The following DLGAP5 variants were observed in gnomAD, a reference collection of about 807,000 sequenced individuals.
The protein encoded by DLGAP5 is DLG associated protein 5.
Under a neutral mutation model 99.6 loss-of-function variants are expected in DLGAP5, and 90 were observed. The ratio of observed to expected loss-of-function variants is 0.90; its 90% CI spans 0.76 to 1.08. The LOEUF (loss-of-function observed/expected upper bound fraction) is 1.08. Ranked by LOEUF, DLGAP5 falls within the 50% of genes least tolerant of loss-of-function variation. DLGAP5 has a pLI of 0.00. For synonymous variants in DLGAP5, 311 were observed against 321.3 expected, an observed-to-expected ratio of 0.97 and a Z score of 0.34; for missense variants, 1,036 against 983.5, an observed-to-expected ratio of 1.05 and a Z score of -0.71.
At chr14:55,167,250 T>A (rs1398775387) in intron 12 of DLGAP5, among the ~76,000 whole-genome samples, 18 of 117,262 alleles carry the variant, frequency 1.5e-4, no homozygotes, top group African/African-American at 1.0e-3. Context: ...CAAGACTCCA[T>A]CTCAAAAAAA....
chr14:55,176,839 G>T (rs188985234), intron 8 of DLGAP5, among the ~76,000 whole-genome samples: 5 of 151,986 alleles, frequency 3.3e-5, no homozygotes, highest in African/African-American at 7.2e-5. Flanking sequence ...TTAGCCGGGC[G>T]TGGTGACGGG....
At chr14:55,176,061 C>T (rs781207496) in intron 8 of DLGAP5, 43 bp from the exon 9 acceptor site, 1 of 1,538,056 alleles carries the variant, frequency 6.5e-7, no homozygotes, top group Non-Finnish European at 8.8e-7. Context: ...ACATGAACTC[C>T]ATATATCTAA....
intron 10 of DLGAP5, among the ~76,000 whole-genome samples, chr14:55,172,442 T>G (rs540801633): frequency 2.0e-5 from 3 of 151,204 alleles, no homozygotes; most frequent in African/African-American, 7.2e-5. Context: ...GTTTTAAATG[T>G]CTAGATATTA....
At chr14:55,186,360 G>T (rs1006046233) in intron 2 of DLGAP5, among the ~76,000 whole-genome samples, 1 of 152,170 alleles carries the variant, frequency 6.6e-6, no homozygotes, top group Admixed American at 6.5e-5. Flanking sequence ...GTAATTCCTT[G>T]TTATCTATTA....
At chr14:55,168,722 C>A (rs1882734077) in intron 12 of DLGAP5, among the ~76,000 whole-genome samples, 1 of 152,138 alleles carries the variant, frequency 6.6e-6, no homozygotes, top group African/African-American at 2.4e-5. Context: ...TAATACAATA[C>A]TCCTAACACA....
chr14:55,161,923 A>G (rs1882456582), intron 13 of DLGAP5, among the ~76,000 whole-genome samples: 1 of 150,858 alleles, frequency 6.6e-6, no homozygotes, highest in African/African-American at 2.4e-5. Context: ...AATAAGGTTT[A>G]AAAAACAATA....
intron 10 of DLGAP5, among the ~76,000 whole-genome samples, chr14:55,171,341 G>A (rs7147666): frequency 0.093 from 14,124 of 152,106 alleles, 1,801 homozygotes; most frequent in African/African-American, 0.28. Flanking sequence ...GAGTGCTACT[G>A]GCCAGGGATG....
chr14:55,161,601 G>A (rs1455183962), intron 13 of DLGAP5, among the ~76,000 whole-genome samples: 2 of 150,600 alleles, frequency 1.3e-5, no homozygotes, highest in Admixed American at 6.6e-5. Context: ...GTAGAGACGG[G>A]GTTTCTCCAC....
At chr14:55,154,052 C>G (rs1467080916) in intron 15 of DLGAP5, among the ~76,000 whole-genome samples, 1 of 152,030 alleles carries the variant, frequency 6.6e-6, no homozygotes, top group East Asian at 1.9e-4. Context: ...TGAGACTCCA[C>G]CTCCAAAAAA....
At chr14:55,155,843 C>G (rs184473654) in intron 14 of DLGAP5, among the ~76,000 whole-genome samples, 6 of 151,904 alleles carry the variant, frequency 3.9e-5, no homozygotes, top group Middle Eastern at 6.8e-3. Context: ...GATCCCAGCA[C>G]TTTGGGAGGC....
chr14:55,148,503 A>G, intron 18 of DLGAP5, 30 bp from the exon 19 acceptor site: 1 of 1,613,624 alleles, frequency 6.2e-7, no homozygotes, highest in Non-Finnish European at 8.5e-7. Flanking sequence ...AAGTCAGTAA[A>G]GTATCCATCA....
chr14:55,182,356 A>G lies in DLGAP5; in HGVS notation c.495+14T>C, dbSNP rs371302351. The G allele has an allele frequency of 5.1e-5, 81 of 1,600,674 alleles. No individual in the cohort carries two copies. Among genetic ancestry groups the G allele is most frequent in the Non-Finnish European group, 6.8e-5 (80 of 1,174,146 alleles). On this transcript the variant is annotated intron_variant, in intron 4 of 18. Coordinates refer to ENST00000247191, the MANE Select transcript of DLGAP5 (RefSeq NM_014750.5). ...TTTATCATTTTAGTAACAATTATCTACTATCAACTATACCTTAGTCTGCTC... is the reference window on the plus strand; with the variant it reads ...TTTATCATTTTAGTAACAATTATCTGCTATCAACTATACCTTAGTCTGCTC...
chr14:55,165,641 G>A (rs1325665858), intron 12 of DLGAP5, among the ~76,000 whole-genome samples: 1 of 152,144 alleles, frequency 6.6e-6, no homozygotes, highest in Admixed American at 6.5e-5. Flanking sequence ...ACCCCCAGGG[G>A]ATGCCTGAAA....
At chr14:55,176,706 C>T (rs546924851) in intron 8 of DLGAP5, among the ~76,000 whole-genome samples, 7 of 152,052 alleles carry the variant, frequency 4.6e-5, no homozygotes, top group African/African-American at 7.2e-5. Context: ...TGGCCGGGCG[C>T]GGTGGCTCAC....
intron 13 of DLGAP5, among the ~76,000 whole-genome samples, chr14:55,160,855 T>C (rs1239528601): frequency 6.6e-6 from 1 of 152,146 alleles, no homozygotes; most frequent in Non-Finnish European, 1.5e-5. Flanking sequence ...TGCAATGAGT[T>C]GGAGAAATAA....
intron 11 of DLGAP5, among the ~76,000 whole-genome samples, chr14:55,169,772 A>G (rs113057882): frequency 3.3e-5 from 5 of 152,340 alleles, no homozygotes; most frequent in Admixed American, 1.3e-4. Flanking sequence ...TTTCTCATAC[A>G]TATTGCTATA....
chr14:55,154,871 T>A, intron 14 of DLGAP5, 65 bp from the exon 15 acceptor site: 1 of 1,419,392 alleles, frequency 7.0e-7, no homozygotes, highest in South Asian at 1.2e-5. Context: ...TAACTAGGAA[T>A]ACGGTGAAAA....
intron 12 of DLGAP5, among the ~76,000 whole-genome samples, chr14:55,167,482 C>T (rs1882685936): frequency 6.6e-6 from 1 of 152,164 alleles, no homozygotes; most frequent in African/African-American, 2.4e-5. Context: ...GATTCCATTT[C>T]CTTCCTCACA....
At position 55,148,321 on chromosome 14, in the gene DLGAP5, G is replaced by T; in HGVS notation, c.*30C>A. On this transcript the variant is annotated 3_prime_UTR_variant, in exon 19 of 19. Coordinates refer to ENST00000247191, the MANE Select transcript of DLGAP5 (RefSeq NM_014750.5). ...AGGAATATATAAGCATTGATAATAT[G>T]AAGGAAAATGTTTGGATTTATTTTT... 6.2e-7 allele frequency: 1 copy of T among 1,607,636 alleles called. No individual in the cohort carries two copies. The highest frequency in any genetic ancestry group is 8.5e-7 in the Non-Finnish European group (1 of 1,175,678).
Sources: allele counts gnomAD v4.1 joint callset (sites outside exome capture counted in the v4.1 genomes callset), GRCh38; gene constraint gnomAD v4.1.1; transcripts MANE v1.5; gene names NCBI Gene and HGNC (gene_info 2026-07-23, HGNC 2026-07-21).